LAMA3: variants seen among roughly 807,000 people sequenced by gnomAD.
LAMA3 encodes the protein laminin subunit alpha-3.
LAMA3 carries 281 observed loss-of-function variants against 402.0 expected under a neutral mutation model. That is an observed-to-expected ratio of 0.70 (90% confidence interval 0.63 to 0.77). The LOEUF is 0.77. Ranked by LOEUF, LAMA3 falls within the 30% of genes least tolerant of loss-of-function variation. LAMA3 has a pLI of 0.00. For missense variants in LAMA3, 3,840 were observed against 4,215.5 expected, an observed-to-expected ratio of 0.91 and a Z score of 2.47; for synonymous variants, 1,431 against 1,558.4, an observed-to-expected ratio of 0.92 and a Z score of 1.93.
intron 72 of LAMA3, among the ~76,000 whole-genome samples, chr18:23,950,805 C>A (rs895560014): frequency 2.6e-5 from 4 of 152,162 alleles, no homozygotes; most frequent in African/African-American, 9.7e-5. Context: ...CTATTGTAGT[C>A]TTTAATTAAG....
chr18:23,815,039 T>G, intron 15 of LAMA3, 149 bp from the exon 16 acceptor site: 1 of 729,426 alleles, frequency 1.4e-6, no homozygotes, highest in Middle Eastern at 3.6e-4. Context: ...CAGTCTAATT[T>G]TAGGCCTCAG....
At chr18:23,797,265 G>A (rs1328113637) in intron 12 of LAMA3, among the ~76,000 whole-genome samples, 1 of 151,746 alleles carries the variant, frequency 6.6e-6, no homozygotes, top group Non-Finnish European at 1.5e-5. Context: ...CTTTTTTTCT[G>A]ATAGCTATTG....
At chr18:23,831,002 AG>A (rs1457160178) in intron 23 of LAMA3, among the ~76,000 whole-genome samples, 1 of 152,202 alleles carries the variant, frequency 6.6e-6, no homozygotes, top group African/African-American at 2.4e-5. Context: ...CAAAATTCTT[AG>A]GGTCATCCAT....
In LAMA3 at chr18:23,889,098, C is replaced by T. The variant is rs555742328; in HGVS notation, c.5304-913C>T. Among the ~76,000 whole-genome samples, 26 of 152,230 alleles carry T rather than the reference C, an allele frequency of 1.7e-4. No homozygotes were observed. In the South Asian group the frequency reaches 1.9e-3, roughly 11 times the overall value. Reference sequence around the variant, plus strand: ...TGTTTAAGAGTCATTATATACAGCACGGCAGCAATTAGTGCAAATATGAAT... The same window carrying T: ...TGTTTAAGAGTCATTATATACAGCATGGCAGCAATTAGTGCAAATATGAAT... On this transcript the variant is annotated intron_variant, in intron 41 of 74. Coordinates refer to ENST00000313654, the MANE Select transcript of LAMA3 (RefSeq NM_198129.4).
chr18:23,843,763 T>C (rs916729679), intron 29 of LAMA3, among the ~76,000 whole-genome samples: 2 of 152,198 alleles, frequency 1.3e-5, no homozygotes, highest in African/African-American at 4.8e-5. Context: ...ATTCATCTTT[T>C]ATCTTTCTCT....
chr18:23,869,232 AT>A (rs2064444307), intron 37 of LAMA3, among the ~76,000 whole-genome samples: 1 of 152,238 alleles, frequency 6.6e-6, no homozygotes, highest in Non-Finnish European at 1.5e-5. Context: ...ATGTATAAAG[AT>A]GCAATTTATA....
chr18:23,838,287 G>A (rs1433211445), intron 25 of LAMA3, among the ~76,000 whole-genome samples: 2 of 152,178 alleles, frequency 1.3e-5, no homozygotes, highest in African/African-American at 4.8e-5. Flanking sequence ...AACTAGCTCT[G>A]GAGACAGTTC....
At chr18:23,828,507 A>G (rs1473118652) in intron 23 of LAMA3, among the ~76,000 whole-genome samples, 6 of 152,234 alleles carry the variant, frequency 3.9e-5, no homozygotes, top group Non-Finnish European at 8.8e-5. Context: ...ACATACACAC[A>G]TACATGTATA....
At chr18:23,690,133 C>A (rs1324370232) in intron 1 of LAMA3, among the ~76,000 whole-genome samples, 156 bp downstream of exon 1, 1 of 152,226 alleles carries the variant, frequency 6.6e-6, no homozygotes, top group African/African-American at 2.4e-5. Context: ...GGCCCACGAC[C>A]CAGGAGCGAT....
Position 23,809,082 on chromosome 18 carries a change from C to T in LAMA3, c.1604-1284C>T, listed in dbSNP as rs961732060. On this transcript the variant is annotated intron_variant, in intron 12 of 74. Coordinates refer to ENST00000313654, the MANE Select transcript of LAMA3 (RefSeq NM_198129.4). ...AGTGTAAAGAGCACCTCCCCAAGCA[C>T]TGGGGGACTTGGGTAATTAGAATAA... Among the ~76,000 whole-genome samples the T allele has an allele frequency of 2.0e-5, 3 of 152,180 alleles. No individual in the cohort carries two copies. The East Asian group carries it at 5.8e-4, about 29-fold the overall frequency.
chr18:23,910,049 A>G (rs928783387), intron 55 of LAMA3, among the ~76,000 whole-genome samples: 2 of 152,238 alleles, frequency 1.3e-5, no homozygotes, highest in Non-Finnish European at 2.9e-5. Flanking sequence ...AACAAAGAGC[A>G]TAAGGCAAAG....
Position 23,950,074 on chromosome 18 carries a change from T to A in LAMA3, c.9557T>A (p.Ile3186Asn). 6.2e-7 allele frequency: 1 copy of A among 1,614,178 alleles called. No homozygotes were observed. The highest frequency in any genetic ancestry group is 8.5e-7 in the Non-Finnish European group (1 of 1,180,002). The change falls in exon 72 of 75, where the codon ATC becomes AAC. Residue 3186 changes from isoleucine to asparagine, a missense_variant. Transcript: ENST00000313654. ...CCAGAATTTAAGCTTGTTTTCAGCA[T>A]CCGCCCAAGAAGTCTCACTGGGATC... ...LGPEFKLVFS[I>N]RPRSLTGILI...
intron 21 of LAMA3, 103 bp downstream of exon 21, chr18:23,824,668 C>T: frequency 7.6e-7 from 1 of 1,324,040 alleles, no homozygotes; most frequent in Non-Finnish European, 1.1e-6. Context: ...ATATCACAAT[C>T]ATTGGTGGTT....
chr18:23,733,596 G>T (rs2061428349), intron 2 of LAMA3, among the ~76,000 whole-genome samples: 1 of 152,178 alleles, frequency 6.6e-6, no homozygotes, highest in East Asian at 1.9e-4. Flanking sequence ...GATCTGGGTG[G>T]TGACATAGCC....
intron 1 of LAMA3, among the ~76,000 whole-genome samples, chr18:23,701,043 T>G (rs2060782140): frequency 6.6e-6 from 1 of 152,154 alleles, no homozygotes; most frequent in Non-Finnish European, 1.5e-5. Context: ...TCTATTTTGG[T>G]AAGAAAGTCA....
At chr18:23,747,851 G>A (rs528755419) in intron 2 of LAMA3, 92 bp from the exon 3 acceptor site, 8 of 802,586 alleles carry the variant, frequency 1.0e-5, no homozygotes, top group Admixed American at 3.5e-5. Context: ...GTGGTGGGAC[G>A]TGTTGCCTTG....
At chr18:23,949,367 C>T (rs747695412) in intron 70 of LAMA3, among the ~76,000 whole-genome samples, 33 of 152,280 alleles carry the variant, frequency 2.2e-4, no homozygotes, top group African/African-American at 3.4e-4. Context: ...TGCAAAGAGA[C>T]GGTGAAATCT....
At position 23,822,395 on chromosome 18, in the gene LAMA3, T is replaced by G; in HGVS notation, c.2428+20T>G. The G allele has an allele frequency of 1.2e-6, 2 of 1,610,058 alleles. No individual in the cohort carries two copies. The highest frequency in any genetic ancestry group is 1.7e-6 in the Non-Finnish European group (2 of 1,176,544). ...CCTGGGGTAAGGCACGTAGGTAAAA[T>G]GTCAAGCCTCTTTTCAATTAAGAAA... On this transcript the variant is annotated intron_variant, in intron 20 of 74. Transcript: ENST00000313654.
chr18:23,777,266 A>G (rs1330959871), intron 10 of LAMA3, among the ~76,000 whole-genome samples: 1 of 152,080 alleles, frequency 6.6e-6, no homozygotes, highest in South Asian at 2.1e-4. Context: ...AAAAAAAACA[A>G]TAAAAAAGCT....
Sources: gnomAD v4.1 joint callset for allele counts (sites outside exome capture counted in the v4.1 genomes callset) on GRCh38, gnomAD v4.1.1 for gene constraint, MANE v1.5 for transcripts, NCBI Gene and HGNC (gene_info 2026-07-23, HGNC 2026-07-21) for gene names.